CEACAM4: variants seen among roughly 807,000 people sequenced by gnomAD.
CEACAM4 encodes CEA cell adhesion molecule 4.
In CEACAM4, 30 loss-of-function variants were observed where a neutral mutation model predicts 28.7. The ratio of observed to expected loss-of-function variants is 1.05; its 90% CI spans 0.78 to 1.42. The LOEUF (loss-of-function observed/expected upper bound fraction) is 1.42. Ranked by LOEUF, CEACAM4 falls within the 40% of genes most tolerant of loss-of-function variation. The pLI, the probability that CEACAM4 is intolerant of heterozygous loss-of-function variation, is 0.00. For synonymous variants in CEACAM4, 143 were observed against 126.5 expected (o/e 1.13, Z -0.87); for missense variants, 330 against 308.2 (o/e 1.07, Z -0.53).
intron 1 of CEACAM4, 92 bp from the exon 2 acceptor site, chr19:41,626,052 C>A: frequency 8.6e-7 from 1 of 1,160,770 alleles, no homozygotes. Flanking sequence ...CTCCTCATCC[C>A]TCAGCCTTGG....
At chr19:41,617,993 G>A (rs2071024149), downstream of CEACAM4, among the ~76,000 whole-genome samples, 1 of 92,628 alleles carries the variant, frequency 1.1e-5, no homozygotes. Context: ...CTCATCTCAG[G>A]ACGAACAACC....
downstream of CEACAM4, among the ~76,000 whole-genome samples, chr19:41,616,074 G>A (rs2070979049): frequency 6.6e-6 from 1 of 152,146 alleles, no homozygotes; most frequent in African/African-American, 2.4e-5. Flanking sequence ...CTATCTCCCA[G>A]GCTGGAGTGC....
At chr19:41,620,109 A>G in intron 5 of CEACAM4, 102 bp downstream of exon 5, 1 of 1,078,762 alleles carries the variant, frequency 9.3e-7, no homozygotes, top group Non-Finnish European at 1.3e-6. Flanking sequence ...TGTTCTGGGG[A>G]AAGGTGGGTC....
chr19:41,626,871 C>G, intron 1 of CEACAM4, 29 bp downstream of exon 1: 4 of 1,601,000 alleles, frequency 2.5e-6, no homozygotes, highest in Non-Finnish European at 3.4e-6. Context: ...CTCCCTCTTC[C>G]CACCACTCCC....
intron 6 of CEACAM4, 61 bp downstream of exon 6, chr19:41,619,609 G>T: frequency 6.4e-7 from 1 of 1,568,868 alleles, no homozygotes. Context: ...AGGTGCTGGT[G>T]GGGGCAGATC....
At chr19:41,615,707 G>A (rs1448269554), downstream of CEACAM4, among the ~76,000 whole-genome samples, 1 of 151,870 alleles carries the variant, frequency 6.6e-6, no homozygotes, top group Admixed American at 6.6e-5. Flanking sequence ...GTGAGGACAG[G>A]ACAGAGAGGA....
At position 41,619,279 on chromosome 19, in the gene CEACAM4, G is replaced by C; in HGVS notation, c.*51C>G. The C allele has an allele frequency of 6.9e-7, 1 of 1,458,486 alleles. No homozygotes were observed. Among genetic ancestry groups the C allele is most frequent in the South Asian group, 1.1e-5 (1 of 87,936 alleles). 90.3% of individuals were successfully genotyped at this position (1,458,486 alleles called of 1,614,324 possible). On this transcript the variant is annotated 3_prime_UTR_variant, in exon 7 of 7. Transcript: ENST00000221954. ...CATGTCCTTCCCCGTCCCCAGGGCT[G>C]GGAGCTTCGGGGACGCTCCATCAAC... is the stretch of plus-strand genomic sequence containing the variant.
Position 41,625,647 on chromosome 19 carries a change from AT to A in CEACAM4, c.377del (p.Asn126MetfsTer32). The A allele has an allele frequency of 6.2e-7, 1 of 1,601,402 alleles. No individual in the cohort carries two copies. Among genetic ancestry groups the A allele is most frequent in the Non-Finnish European group, 8.5e-7 (1 of 1,172,538 alleles). On this transcript the variant is annotated frameshift_variant, in exon 2 of 7. Coordinates refer to ENST00000221954, the MANE Select transcript of CEACAM4 (RefSeq NM_001817.4). LOFTEE classifies it high-confidence loss of function. ...DAGSYTLRTI[N>X]ASYDSDQATG... ...TTGCTTGGTCAGAGTCGTAACTGGC[AT>A]TTATGGTTCGTAGGGTGTAGGATCC...
In CEACAM4 at chr19:41,621,721, T is replaced by A. The variant is rs1191108859; in HGVS notation, c.472A>T (p.Thr158Ser). The change falls in exon 3 of 7, where the codon ACT (threonine) becomes TCT (serine). Residue 158 changes from threonine (T) to serine (S), a missense_variant. Physicochemically the swap from Thr to Ser is moderately conservative, Grantham distance 58. Transcript: ENST00000221954. ...AGAGCCACCCCAACCAGGACCCCAG[T>A]CACGATGCCAGCGACGGCCCCCACA... is the stretch of plus-strand genomic sequence containing the variant. ...LPVGAVAGIV[T>S]GVLVGVALVA... is the part of the protein sequence containing the mutation. 6 of 1,613,132 alleles carry A rather than the reference T, an allele frequency of 3.7e-6. No homozygotes were observed. The African/African-American group carries it at 8.0e-5, about 22-fold the overall frequency.
chr19:41,625,549 G>A lies in CEACAM4; in HGVS notation c.424+52C>T. On this transcript the variant is annotated intron_variant, in intron 2 of 6. Transcript: ENST00000221954. The stretch of plus-strand genomic sequence containing the variant: ...CAGCCCAGGCCTGACAATCTCATGT[G>A]TGTGAAGCAGAACTGACCGCCAGCA... 3.3e-6 allele frequency: 5 copies of A among 1,537,660 alleles called. No individual in the cohort carries two copies. The South Asian group carries it at 6.4e-5, about 20-fold the overall frequency.
chr19:41,625,843 G>C lies in CEACAM4; in HGVS notation c.182C>G (p.Thr61Ser). 2 of 1,613,932 alleles carry C rather than the reference G, an allele frequency of 1.2e-6. No homozygotes were observed. The highest frequency in any genetic ancestry group is 1.1e-5 in the South Asian group (1 of 91,074). Residue 61 changes from threonine to serine, a missense_variant, in exon 2 of 7, where the codon ACT (threonine) becomes AGT (serine). Physicochemically the swap from Thr to Ser is moderately conservative, Grantham distance 58. Transcript: ENST00000221954. ...CTTGTGCCAATAATAGGCTTGAATA[G>C]TTTCTGAAATATTGCAGGCCAGTAG... ...VLLLACNISE[T>S]IQAYYWHKGK...
downstream of CEACAM4, among the ~76,000 whole-genome samples, chr19:41,616,551 A>G (rs2070987585): frequency 6.6e-6 from 1 of 151,932 alleles, no homozygotes; most frequent in African/African-American, 2.4e-5. Flanking sequence ...ATAGATATTC[A>G]GACAGATCTT....
chr19:41,621,334 G>T (rs1220294785), intron 3 of CEACAM4, among the ~76,000 whole-genome samples: 1 of 152,100 alleles, frequency 6.6e-6, no homozygotes, highest in African/African-American at 2.4e-5. Flanking sequence ...TCAATGAACA[G>T]CAGAAGGTAC....
chr19:41,620,241 G>T lies in CEACAM4; in HGVS notation c.597C>A (p.Gly199=), dbSNP rs1249140556. 1 of 1,482,444 alleles carries T rather than the reference G, an allele frequency of 6.7e-7. No homozygotes were observed. Among genetic ancestry groups the T allele is most frequent in the Non-Finnish European group, 8.9e-7 (1 of 1,121,218 alleles). 91.8% of individuals were successfully genotyped at this position (1,482,444 alleles called of 1,614,324 possible). A position where few individuals can be genotyped will look rare whatever the true frequency, so the allele number is the denominator to read the frequency against. ...AGGTGGATCTGTGAGAGGGACCATG[G>T]CCTGGGGACAGAGACAGGAGTGAGC... ...REQPPPASTP[G]HGPSHRSTFS... Residue 199 remains glycine (G), a splice_region_variant and synonymous_variant, in exon 5 of 7, where the codon GGC becomes GGA. Transcript: ENST00000221954.
intron 2 of CEACAM4, among the ~76,000 whole-genome samples, chr19:41,625,273 A>G (rs2071560297): frequency 6.6e-6 from 1 of 152,136 alleles, no homozygotes. Context: ...GGTTCCCAGG[A>G]CGCCCTCAGG....
chr19:41,626,848 G>A, intron 1 of CEACAM4, 52 bp downstream of exon 1: 2 of 1,525,566 alleles, frequency 1.3e-6, no homozygotes, highest in Non-Finnish European at 1.8e-6. Flanking sequence ...AGAGACCCCA[G>A]TCAGTCTCTG....
At chr19:41,619,568 T>G (rs1555800223) in intron 6 of CEACAM4, 102 bp downstream of exon 6, 1 of 1,553,434 alleles carries the variant, frequency 6.4e-7, no homozygotes, top group East Asian at 2.4e-5. Context: ...GTTCTCATTT[T>G]CACTGCATTT....
At chr19:41,615,006 GC>G, downstream of CEACAM4, among the ~76,000 whole-genome samples, 1 of 152,140 alleles carries the variant, frequency 6.6e-6, no homozygotes, top group African/African-American at 2.4e-5. Flanking sequence ...TTTGGGCATT[GC>G]AGGCAACATC....
downstream of CEACAM4, among the ~76,000 whole-genome samples, chr19:41,615,309 G>T (rs952535664): frequency 6.6e-6 from 1 of 152,018 alleles, no homozygotes; most frequent in African/African-American, 2.4e-5. Context: ...GTGTCTGGGA[G>T]GGGGAGCTGG....
Sources: allele counts gnomAD v4.1 joint callset (sites outside exome capture counted in the v4.1 genomes callset), GRCh38; gene constraint gnomAD v4.1.1; transcripts MANE v1.5; gene names NCBI Gene and HGNC (gene_info 2026-07-23, HGNC 2026-07-21).